MAN1A2: variants seen among roughly 807,000 people sequenced by gnomAD.
MAN1A2 encodes mannosyl-oligosaccharide 1,2-alpha-mannosidase IB.
MAN1A2 carries 26 observed loss-of-function variants against 75.7 expected under a neutral mutation model. The ratio of observed to expected loss-of-function variants is 0.34; its 90% CI spans 0.25 to 0.48. MAN1A2 has a LOEUF of 0.48. Ranked by LOEUF, MAN1A2 falls within the 20% of genes least tolerant of loss-of-function variation. MAN1A2 has a pLI of 0.99. For missense variants in MAN1A2, 562 were observed against 775.5 expected (o/e 0.72, Z 3.27); for synonymous variants, 247 against 264.6 (o/e 0.93, Z 0.65).
chr1:117,389,847 TA>T (rs1477409862), intron 1 of MAN1A2, among the ~76,000 whole-genome samples: 2 of 152,080 alleles, frequency 1.3e-5, no homozygotes, highest in Non-Finnish European at 2.9e-5. Flanking sequence ...AGGTTTTTAA[TA>T]GGTGCCCTGT....
chr1:117,374,708 A>T (rs1002747093), intron 1 of MAN1A2, among the ~76,000 whole-genome samples: 1 of 152,134 alleles, frequency 6.6e-6, no homozygotes, highest in Non-Finnish European at 1.5e-5. Flanking sequence ...CTGTGCCTCG[A>T]TGTTCTTATT....
rs962868032 is a variant in MAN1A2 at position 117,493,421 on chromosome 1, T to A, written c.1284+159T>A. 6.2e-6 allele frequency: 3 copies of A among 480,924 alleles called. No homozygotes were observed. The Admixed American group carries it at 1.1e-4, about 18-fold the overall frequency. 29.8% of individuals were successfully genotyped at this position (480,924 alleles called of 1,614,324 possible). A position where few individuals can be genotyped will look rare whatever the true frequency, so the allele number is the denominator to read the frequency against. On this transcript the variant is annotated intron_variant, in intron 9 of 12. Coordinates refer to ENST00000356554, the MANE Select transcript of MAN1A2 (RefSeq NM_006699.5). ...TTCACTGTAGAGTTTGTTACTATTT[T>A]AATAGAAAAGCCTCATATTAAGTCT... is the stretch of plus-strand genomic sequence containing the variant.
intron 8 of MAN1A2, among the ~76,000 whole-genome samples, chr1:117,477,066 C>A (rs1405845725): frequency 6.6e-6 from 1 of 151,642 alleles, no homozygotes; most frequent in Non-Finnish European, 1.5e-5. Flanking sequence ...GACACATACA[C>A]CCTCCCAAGA....
intron 1 of MAN1A2, among the ~76,000 whole-genome samples, chr1:117,379,171 T>C (rs1263632767): frequency 6.6e-6 from 1 of 152,084 alleles, no homozygotes; most frequent in Non-Finnish European, 1.5e-5. Context: ...TATGATGAGG[T>C]GGGGACTGAA....
At chr1:117,510,568 C>G (rs1284346757) in intron 12 of MAN1A2, among the ~76,000 whole-genome samples, 1 of 152,034 alleles carries the variant, frequency 6.6e-6, no homozygotes, top group African/African-American at 2.4e-5. Context: ...TTTGCTCATC[C>G]TTTTAAACTA....
At chr1:117,498,040 C>T (rs1651085956) in intron 10 of MAN1A2, among the ~76,000 whole-genome samples, 1 of 151,774 alleles carries the variant, frequency 6.6e-6, no homozygotes, top group African/African-American at 2.4e-5. Flanking sequence ...AAAATTGATT[C>T]TTCAGTTCTC....
At chr1:117,416,682 T>C (rs1269759632) in intron 4 of MAN1A2, among the ~76,000 whole-genome samples, 1 of 152,080 alleles carries the variant, frequency 6.6e-6, no homozygotes, top group Non-Finnish European at 1.5e-5. Flanking sequence ...AAGTATTAAC[T>C]CTAGGAAACA....
intron 1 of MAN1A2, among the ~76,000 whole-genome samples, chr1:117,393,496 G>T (rs1473372154): frequency 9.3e-5 from 14 of 150,666 alleles, no homozygotes; most frequent in African/African-American, 3.4e-4. Flanking sequence ...TTGTGTGTGT[G>T]TGTGTTTTCC....
chr1:117,518,480 T>C (rs958426054), intron 12 of MAN1A2, among the ~76,000 whole-genome samples: 2 of 151,974 alleles, frequency 1.3e-5, no homozygotes, highest in South Asian at 2.1e-4. Context: ...TGTAAAAATA[T>C]TAGCGAAAGA....
chr1:117,447,054 T>C (rs1205512468), intron 6 of MAN1A2, among the ~76,000 whole-genome samples: 1 of 152,138 alleles, frequency 6.6e-6, no homozygotes, highest in African/African-American at 2.4e-5. Flanking sequence ...TTGAAGTTTA[T>C]CAGATATTAA....
intron 12 of MAN1A2, among the ~76,000 whole-genome samples, chr1:117,519,752 TAAG>T (rs1651816939): frequency 6.6e-6 from 1 of 151,916 alleles, no homozygotes; most frequent in Non-Finnish European, 1.5e-5. Flanking sequence ...TCAGACATTC[TAAG>T]AAGAATTGGT....
chr1:117,477,540 G>A (rs943195763), intron 8 of MAN1A2, among the ~76,000 whole-genome samples: 17 of 151,718 alleles, frequency 1.1e-4, no homozygotes, highest in Admixed American at 1.1e-3. Context: ...CAAAAACCAC[G>A]TGATTATCTC....
rs1457688604 is a variant in MAN1A2 at position 117,527,788 on chromosome 1, C to T, written c.*4831C>T. 1 of 152,034 alleles carries T rather than the reference C, an allele frequency of 6.6e-6. No individual in the cohort carries two copies. The highest frequency in any genetic ancestry group is 1.5e-5 in the Non-Finnish European group (1 of 67,960). The allele number at this position is 152,034 out of a possible 1,614,324, so 9.4% of individuals were successfully genotyped here. A position where few individuals can be genotyped will look rare whatever the true frequency, so the allele number is the denominator to read the frequency against. On this transcript the variant is annotated 3_prime_UTR_variant, in exon 13 of 13. Transcript: ENST00000356554. ...CTGCAGAAATTCACCCACTTGGGTA[C>T]TCTTAGAGCTCTACAGCAAGAATAT...
chr1:117,422,536 T>G (rs1648230481), intron 5 of MAN1A2, among the ~76,000 whole-genome samples: 1 of 152,086 alleles, frequency 6.6e-6, no homozygotes, highest in African/African-American at 2.4e-5. Flanking sequence ...GAAGAAACTG[T>G]CAGATTCTTT....
At chr1:117,511,054 G>A (rs1651518259) in intron 12 of MAN1A2, among the ~76,000 whole-genome samples, 1 of 152,038 alleles carries the variant, frequency 6.6e-6, no homozygotes, top group Non-Finnish European at 1.5e-5. Flanking sequence ...CATAACTGGG[G>A]AAGCCTCAGG....
chr1:117,481,281 T>C (rs1455989273), intron 8 of MAN1A2, among the ~76,000 whole-genome samples: 1 of 151,818 alleles, frequency 6.6e-6, no homozygotes, highest in East Asian at 1.9e-4. Context: ...TTCTGGCAAA[T>C]ATTCTGTACC....
chr1:117,517,129 AT>A (rs1651735688), intron 12 of MAN1A2, among the ~76,000 whole-genome samples: 1 of 152,142 alleles, frequency 6.6e-6, no homozygotes, highest in African/African-American at 2.4e-5. Context: ...CTTTGGACCT[AT>A]GTAGCAAATA....
intron 5 of MAN1A2, among the ~76,000 whole-genome samples, chr1:117,429,804 G>A (rs1648541144): frequency 1.0e-5 from 1 of 99,262 alleles, no homozygotes; most frequent in Admixed American, 8.8e-5. Context: ...GGCCGGGCGG[G>A]GGGCCGACAC....
At chr1:117,443,811 T>G (rs1649120043) in intron 6 of MAN1A2, among the ~76,000 whole-genome samples, 1 of 152,164 alleles carries the variant, frequency 6.6e-6, no homozygotes, top group Non-Finnish European at 1.5e-5. Context: ...GATCTTATTT[T>G]GTTGCCTAGG....
Sources: allele counts gnomAD v4.1 joint callset (sites outside exome capture counted in the v4.1 genomes callset), GRCh38; gene constraint gnomAD v4.1.1; transcripts MANE v1.5; gene names NCBI Gene and HGNC (gene_info 2026-07-23, HGNC 2026-07-21).